Variants in ATG2A observed in about 807,000 individuals in gnomAD.
ATG2A encodes the protein autophagy-related protein 2 homolog A.
In ATG2A, 103 loss-of-function variants were observed where a neutral mutation model predicts 214.2. The observed-to-expected ratio is 0.48, with a 90% CI of 0.41 to 0.57. ATG2A has a LOEUF of 0.57. Ranked by LOEUF, ATG2A falls within the 20% of genes least tolerant of loss-of-function variation. ATG2A has a pLI of 0.00. For missense variants in ATG2A, 2,312 were observed against 2,613.2 expected (o/e 0.88, Z 2.51); for synonymous variants, 1,160 against 1,142.1 (o/e 1.02, Z -0.32).
At chr11:64,910,250 A>T in intron 12 of ATG2A, 55 bp from the exon 13 acceptor site, 1 of 1,521,486 alleles carries the variant, frequency 6.6e-7, no homozygotes, top group African/African-American at 1.4e-5. Flanking sequence ...AGCGGGTGGG[A>T]CAGGAAGGCC....
At position 64,907,858 on chromosome 11, in the gene ATG2A, C is replaced by A. The variant is rs752382317; in HGVS notation, c.2397G>T (p.Arg799Ser). Residue 799 changes from arginine to serine, a missense_variant, in exon 17 of 41, where the codon AGG becomes AGT. Transcript: ENST00000377264. Reference sequence around the variant, plus strand: ...GTGCCAGGGTCCGGCTCTGGAACGTCCTCATCTCCTCAGGGTCTCCAGGGA... The same window carrying A: ...GTGCCAGGGTCCGGCTCTGGAACGTACTCATCTCCTCAGGGTCTCCAGGGA... ...MVIPGDPEEMRTFQSRTLALS... is the reference protein window; with the variant it reads ...MVIPGDPEEMSTFQSRTLALS... 3.1e-6 allele frequency: 5 copies of A among 1,612,884 alleles called. No individual in the cohort carries two copies. The highest frequency in any genetic ancestry group is 2.7e-5 in the African/African-American group (2 of 74,932).
Position 64,903,220 on chromosome 11 carries a change from C to A in ATG2A, c.3612+68G>T. ...GCCCAGGCACGTGAGGGAGCAGCAG[C>A]CCCTGAAGACTCCCTTGGCCCCTGC... is the stretch of plus-strand genomic sequence containing the variant. On this transcript the variant is annotated intron_variant, in intron 26 of 40. Transcript: ENST00000377264. This position sits in a 1 kb window ranked among gnomAD's most constrained non-coding sequence, Gnocchi z 4.2. 2 of 1,453,408 alleles carry A rather than the reference C, an allele frequency of 1.4e-6. No homozygotes were observed. The highest frequency in any genetic ancestry group is 4.5e-5 in the East Asian group (2 of 44,000). The allele number at this position is 1,453,408 out of a possible 1,614,324, so 90.0% of individuals were successfully genotyped here. A position where few individuals can be genotyped will look rare whatever the true frequency, so the allele number is the denominator to read the frequency against.
chr11:64,913,968 G>C lies in ATG2A; in HGVS notation c.488-45C>G, dbSNP rs868502899. The C allele has an allele frequency of 6.2e-7, 1 of 1,601,576 alleles. No homozygotes were observed. The highest frequency in any genetic ancestry group is 8.5e-7 in the Non-Finnish European group (1 of 1,173,482). On this transcript the variant is annotated intron_variant, in intron 3 of 40. Coordinates refer to ENST00000377264, the MANE Select transcript of ATG2A (RefSeq NM_015104.3). The surrounding 1 kb of genome is among the most constrained non-coding windows in gnomAD (Gnocchi z 4.3). The stretch of plus-strand genomic sequence containing the variant: ...TCTCAGGTCAGGTAGAGCAGCAAAG[G>C]GGAGGCAGAATTTCCCATCTGGGCA...
rs1944537954 is a variant in ATG2A at position 64,906,135 on chromosome 11, G to A, written c.3242C>T (p.Pro1081Leu). The change falls in exon 22 of 41, where the codon CCC (proline) becomes CTC (leucine). Residue 1081 changes from proline (P) to leucine (L), a missense_variant. Transcript: ENST00000377264. Reference sequence around the variant, plus strand: ...CACCTGGGAATGCCAGCTCTGCTCGGGCAGGGCCATGTAGTGGCGCAAGGT... The same window carrying A: ...CACCTGGGAATGCCAGCTCTGCTCGAGCAGGGCCATGTAGTGGCGCAAGGT... The part of the protein sequence containing the change: ...KATLRHYMAL[P>L]EQSWHSQLLE... 6.3e-7 allele frequency: 1 copy of A among 1,593,024 alleles called. No individual in the cohort carries two copies.
In ATG2A at chr11:64,898,184, G is replaced by A. The variant is rs1243671368; in HGVS notation, c.4774-14C>T. 6.2e-7 allele frequency: 1 copy of A among 1,613,842 alleles called. No homozygotes were observed. The highest frequency in any genetic ancestry group is 1.3e-5 in the African/African-American group (1 of 74,898). On this transcript the variant is annotated splice_polypyrimidine_tract_variant and intron_variant, in intron 33 of 40. Transcript: ENST00000377264. This position sits in a 1 kb window ranked among gnomAD's most constrained non-coding sequence, Gnocchi z 4.5. ...GAAGAGGGCATCCTGCAAGGGAGAGGTCCAGATGTGGATCAGACTCAGAGG... is the reference window on the plus strand; with the variant it reads ...GAAGAGGGCATCCTGCAAGGGAGAGATCCAGATGTGGATCAGACTCAGAGG...
chr11:64,916,295 G>A (rs1944981297), intron 1 of ATG2A, among the ~76,000 whole-genome samples: 1 of 152,120 alleles, frequency 6.6e-6, no homozygotes, highest in African/African-American at 2.4e-5. Context: ...GGGACACTGA[G>A]CCGGGGGGGT....
chr11:64,910,436 G>A (rs1385062709), intron 12 of ATG2A, among the ~76,000 whole-genome samples, 180 bp downstream of exon 12: 2 of 152,248 alleles, frequency 1.3e-5, no homozygotes, highest in Non-Finnish European at 2.9e-5. Context: ...GCAAGGGCAT[G>A]ACCAGGCTCA....
chr11:64,911,195 T>G lies in ATG2A; in HGVS notation c.1309A>C (p.Thr437Pro). 6.2e-7 allele frequency: 1 copy of G among 1,614,040 alleles called. No individual in the cohort carries two copies. Among genetic ancestry groups the G allele is most frequent in the Admixed American group, 1.7e-5 (1 of 60,020 alleles). ...GATGGGGCAGACGTCTGAAGCAAGG[T>G]CAGGGTCACACCCCCCAAGGTCATC... is the stretch of plus-strand genomic sequence containing the variant. ...LKMTLGGVTL[T>P]LLQTSAPSSG... is the part of the protein sequence containing the mutation. The change falls in exon 10 of 41, where the codon ACC becomes CCC. Residue 437 changes from threonine to proline, a missense_variant. Physicochemically the swap from Thr to Pro is conservative, Grantham distance 38. Transcript: ENST00000377264.
chr11:64,901,852 C>T, intron 29 of ATG2A, 110 bp downstream of exon 29: 1 of 1,295,054 alleles, frequency 7.7e-7, no homozygotes. Flanking sequence ...CTGCCTGCTT[C>T]TCTCACCACG....
At position 64,896,779 on chromosome 11, in the gene ATG2A, G is replaced by A. The variant is rs1251940015; in HGVS notation, c.5241C>T (p.Gly1747=). The A allele has an allele frequency of 2.5e-6, 4 of 1,614,204 alleles. No homozygotes were observed. Among genetic ancestry groups the A allele is most frequent in the Non-Finnish European group, 2.5e-6 (3 of 1,180,038 alleles). Residue 1747 remains glycine (G), a synonymous_variant, in exon 38 of 41, where the codon GGC becomes GGT. Coordinates refer to ENST00000377264, the MANE Select transcript of ATG2A (RefSeq NM_015104.3). ...GGACAACCGAGTGCATGGGGCCCAC[G>A]CCTCCCAGCAGGCCGGGCAGCTGGT... is the stretch of plus-strand genomic sequence containing the variant. ...RKNQLPGLLG[G]VGPMHSVVQL... is the part of the protein sequence containing the mutation.
At position 64,898,104 on chromosome 11, in the gene ATG2A, C is replaced by T. The variant is rs1395783186; in HGVS notation, c.4840G>A (p.Gly1614Arg). The T allele has an allele frequency of 6.2e-7, 1 of 1,614,090 alleles. No homozygotes were observed. ...CTCTCACCCTCAGCGGAGGTCTCCCCTGGGACCACGGGGTTGATGCCGGCC... is the reference window on the plus strand; with the variant it reads ...CTCTCACCCTCAGCGGAGGTCTCCCTTGGGACCACGGGGTTGATGCCGGCC... ...LVAGINPVVP[G>R]ETSAEARPET... The change falls in exon 34 of 41, where the codon GGG becomes AGG. Residue 1614 changes from glycine to arginine, a missense_variant. Gly to Arg is a moderately radical substitution (Grantham distance 125). Transcript: ENST00000377264. The surrounding 1 kb of genome is among the most constrained non-coding windows in gnomAD (Gnocchi z 4.5).
Position 64,911,908 on chromosome 11 carries a change from C to G in ATG2A, c.1162G>C (p.Asp388His), listed in dbSNP as rs767222067. The G allele has an allele frequency of 3.7e-6, 6 of 1,613,632 alleles. No individual in the cohort carries two copies. Among genetic ancestry groups the G allele is most frequent in the Non-Finnish European group, 5.1e-6 (6 of 1,179,824 alleles). ...TCGCTGCGCACAGAGGAGGCCAGGT[C>G]TACATCGGAGAGGGAGAGCTCAGAG... ...ALSELSLSDV[D>H]LASSVRSDMA... The change falls in exon 9 of 41, where the codon GAC becomes CAC. Residue 388 changes from aspartate (D) to histidine (H), a missense_variant. By Grantham distance (81) the Asp-to-His change is moderately conservative. Transcript: ENST00000377264.
rs759047658 is a variant in ATG2A, at chr11:64,897,849, T to C, written c.4984A>G (p.Ile1662Val). The C allele has an allele frequency of 3.1e-6, 5 of 1,606,092 alleles. No individual in the cohort carries two copies. Among genetic ancestry groups the C allele is most frequent in the Non-Finnish European group, 4.3e-6 (5 of 1,175,140 alleles). ...AGTCCAGCAGCCTACCTGAAGTAGA[T>C]GGGCTGCTGGTCAGGAGGGGAGGGG... Reference protein sequence around the residue: ...HSPSPPDQQPIYFREFRFTSE... With the variant: ...HSPSPPDQQPVYFREFRFTSE... Residue 1662 changes from isoleucine (I) to valine (V), a missense_variant, in exon 35 of 41, where the codon ATC becomes GTC. Ile to Val is a conservative substitution (Grantham distance 29, BLOSUM62 3). Transcript: ENST00000377264.
At chr11:64,915,849 G>T (rs1396507038) in intron 1 of ATG2A, among the ~76,000 whole-genome samples, 2 of 152,112 alleles carry the variant, frequency 1.3e-5, no homozygotes, top group African/African-American at 4.8e-5. Context: ...GGCCTTAGAG[G>T]CTGAGGCTAA....
chr11:64,904,642 A>C (rs779155425), intron 24 of ATG2A, among the ~76,000 whole-genome samples: 52 of 152,174 alleles, frequency 3.4e-4, no homozygotes, highest in Non-Finnish European at 6.0e-4. Flanking sequence ...ATCATTCATC[A>C]TTCCTAATCC....
chr11:64,916,227 C>T (rs116088610), intron 1 of ATG2A, among the ~76,000 whole-genome samples: 6,565 of 152,250 alleles, frequency 0.043, 172 homozygotes, highest in Middle Eastern at 0.065. Flanking sequence ...CTCCCTTGGC[C>T]TCCTCCCGGC....
At chr11:64,906,258 G>T in intron 21 of ATG2A, 65 bp from the exon 22 acceptor site, 1 of 1,604,952 alleles carries the variant, frequency 6.2e-7, no homozygotes, top group East Asian at 2.2e-5. Flanking sequence ...GGGCCTCACC[G>T]CGCACTGGGG....
In ATG2A at chr11:64,895,628, C is replaced by A. The variant is rs1426546458; in HGVS notation, c.5428-186G>T. Among the ~76,000 whole-genome samples the A allele has an allele frequency of 1.3e-5, 2 of 152,246 alleles. No homozygotes were observed. The highest frequency in any genetic ancestry group is 1.9e-4 in the East Asian group (1 of 5,182). The stretch of plus-strand genomic sequence containing the variant: ...TCTTCCTCCCCTTCCTAGGCACCTG[C>A]CACTCTGCTGAGGGAACCTAGGAAC... On this transcript the variant is annotated intron_variant, in intron 39 of 40. Coordinates refer to ENST00000377264, the MANE Select transcript of ATG2A (RefSeq NM_015104.3). The surrounding 1 kb of genome is among the most constrained non-coding windows in gnomAD (Gnocchi z 5.0).
chr11:64,896,312 A>G, intron 39 of ATG2A, 150 bp downstream of exon 39: 1 of 1,231,946 alleles, frequency 8.1e-7, no homozygotes, highest in African/African-American at 1.5e-5. Context: ...CAAGTCACTT[A>G]GCCTCTCCGT....
Sources: gnomAD v4.1 joint callset for allele counts (sites outside exome capture counted in the v4.1 genomes callset) on GRCh38, gnomAD v4.1.1 for gene constraint, Gnocchi (gnomAD v3.1) non-coding constraint, MANE v1.5 for transcripts, NCBI Gene and HGNC (gene_info 2026-07-23, HGNC 2026-07-21) for gene names.